ADGRE2: variants seen among roughly 807,000 people sequenced by gnomAD.
The protein encoded by ADGRE2 is adhesion G protein-coupled receptor E2.
A neutral mutation model predicts 100.8 loss-of-function variants in ADGRE2; 83 were observed. The observed-to-expected ratio is 0.82, with a 90% CI of 0.69 to 0.99. The LOEUF (loss-of-function observed/expected upper bound fraction) is 0.99. Among genes scored for constraint, ADGRE2 ranks in the 50% least tolerant of loss-of-function variants. The probability of loss-of-function intolerance (pLI) is 0.00; values close to 1 mark genes in which losing one functional copy is unlikely to be tolerated. For synonymous variants in ADGRE2, 355 were observed against 413.0 expected, an observed-to-expected ratio of 0.86 and a Z score of 1.70; for missense variants, 814 against 1,035.7, an observed-to-expected ratio of 0.79 and a Z score of 2.94.
At chr19:14,731,324 G>A (rs2042669556), downstream of ADGRE2, 5 of 850,710 alleles carry the variant, frequency 5.9e-6, no homozygotes, top group Admixed American at 9.6e-5. Context: ...CAGTGGCCTT[G>A]GACTTTCAAA....
In ADGRE2 at chr19:14,732,746, CATTT is replaced by C. The variant is rs2042684665; in HGVS notation, c.*3486_*3489del. On this transcript the variant is annotated 3_prime_UTR_variant, in exon 21 of 21. Transcript: ENST00000315576. Reference sequence around the variant, plus strand: ...TTATTAAAACATAGCCATGATCATTCATTTATGATTGTCTATAGCTGTTTTCATA... The same window carrying C: ...TTATTAAAACATAGCCATGATCATTCATGATTGTCTATAGCTGTTTTCATA... 6.6e-6 allele frequency: 1 copy of C among 152,136 alleles called. No homozygotes were observed. The highest frequency in any genetic ancestry group is 2.4e-5 in the African/African-American group (1 of 41,436). 9.4% of individuals were successfully genotyped at this position (152,136 alleles called of 1,614,324 possible). A position where few individuals can be genotyped will look rare whatever the true frequency, so the allele number is the denominator to read the frequency against.
intron 20 of ADGRE2, chr19:14,742,003 C>A (rs1031748314): frequency 1.1e-4 from 43 of 398,470 alleles, no homozygotes; most frequent in Middle Eastern, 6.3e-4. Context: ...TTCAAGTGAT[C>A]CCCAAGTTGT....
chr19:14,770,028 ACCT>A (rs2044139869), intron 5 of ADGRE2, among the ~76,000 whole-genome samples: 1 of 152,066 alleles, frequency 6.6e-6, no homozygotes, highest in African/African-American at 2.4e-5. Context: ...ATGGCAACAC[ACCT>A]CCTCAATAAT....
At chr19:14,777,089 C>G (rs1599899068) in intron 1 of ADGRE2, 162 bp from the exon 2 acceptor site, 3 of 985,458 alleles carry the variant, frequency 3.0e-6, no homozygotes, top group Non-Finnish European at 3.6e-6. Context: ...CCATGTGGCT[C>G]TGACCAACCC....
chr19:14,729,677 GGAA>G, downstream of ADGRE2, among the ~76,000 whole-genome samples: 1 of 152,198 alleles, frequency 6.6e-6, no homozygotes, highest in Non-Finnish European at 1.5e-5. Flanking sequence ...TTAGACAGGA[GGAA>G]GAAGTTCAGG....
rs184932507 is a variant in ADGRE2 at position 14,738,766 on chromosome 19, C to T, written c.2464-2522G>A. Among the ~76,000 whole-genome samples the T allele has an allele frequency of 5.9e-5, 9 of 152,002 alleles. No homozygotes were observed. The East Asian group carries it at 9.7e-4, about 16-fold the overall frequency. ...GAAACTCAGTGTAATTTCTATGGTT[C>T]GAGATGGTCAGCTTCACTTGCTTAT... On this transcript the variant is annotated intron_variant, in intron 20 of 20. Transcript: ENST00000315576.
the ADGRE2 span, among the ~76,000 whole-genome samples, chr19:14,726,721 G>C: frequency 6.6e-6 from 1 of 152,118 alleles, no homozygotes; most frequent in Non-Finnish European, 1.5e-5. Flanking sequence ...CTTTGCCAGG[G>C]AATAACAAGG....
At position 14,733,163 on chromosome 19, in the gene ADGRE2, T is replaced by G. The variant is rs2042692425; in HGVS notation, c.*3073A>C. 6.6e-6 allele frequency: 1 copy of G among 152,196 alleles called. No homozygotes were observed. Among genetic ancestry groups the G allele is most frequent in the African/African-American group, 2.4e-5 (1 of 41,428 alleles). The allele number at this position is 152,196 out of a possible 1,614,324, so 9.4% of individuals were successfully genotyped here. Reference sequence around the variant, plus strand: ...GTAATAAAAGGCAGATATTATGTGGTCTCTTGAACCAGCCTTAGGCATGGA... The same window carrying G: ...GTAATAAAAGGCAGATATTATGTGGGCTCTTGAACCAGCCTTAGGCATGGA... On this transcript the variant is annotated 3_prime_UTR_variant, in exon 21 of 21. Transcript: ENST00000315576.
At chr19:14,745,691 G>A (rs538786004) in intron 18 of ADGRE2, among the ~76,000 whole-genome samples, 6 of 150,362 alleles carry the variant, frequency 4.0e-5, no homozygotes, top group Non-Finnish European at 7.4e-5. Context: ...CGCAACCTCC[G>A]CCTCCTGGGT....
chr19:14,736,221 A>G lies in ADGRE2; in HGVS notation c.*15T>C. 1 of 1,583,626 alleles carries G rather than the reference A, an allele frequency of 6.3e-7. No individual in the cohort carries two copies. Among genetic ancestry groups the G allele is most frequent in the Non-Finnish European group, 8.7e-7 (1 of 1,153,112 alleles). On this transcript the variant is annotated 3_prime_UTR_variant, in exon 21 of 21. Coordinates refer to ENST00000315576, the MANE Select transcript of ADGRE2 (RefSeq NM_013447.4). Reference sequence around the variant, plus strand: ...TCCACGGGCAAAGAGGGAAGATCTTATTCAGAAGATTTTTCTAGTTAACCT... The same window carrying G: ...TCCACGGGCAAAGAGGGAAGATCTTGTTCAGAAGATTTTTCTAGTTAACCT...
chr19:14,776,334 T>C (rs1349432242), intron 2 of ADGRE2: 1 of 135,948 alleles, frequency 7.4e-6, no homozygotes, highest in Non-Finnish European at 1.6e-5. Context: ...GCCTCTATTT[T>C]CCCCGCCCCC....
At chr19:14,755,939 T>A in intron 12 of ADGRE2, 62 bp from the exon 13 acceptor site, 1 of 1,404,908 alleles carries the variant, frequency 7.1e-7, no homozygotes, top group Non-Finnish European at 9.9e-7. Context: ...CACACCAGAG[T>A]TCCTCTGCCC....
downstream of ADGRE2, chr19:14,731,434 A>G (rs999948342): frequency 1.3e-5 from 7 of 550,604 alleles, no homozygotes; most frequent in Non-Finnish European, 1.9e-5. Context: ...CAAGGAGACT[A>G]AGGCCTGTGT....
Position 14,733,734 on chromosome 19 carries a change from A to T in ADGRE2, c.*2502T>A, listed in dbSNP as rs2042701871. ...GTTTTCTCTAAAATAAACCTGTCTT[A>T]ACCATCAAGCCACTTTTTGTGTTTC... is the stretch of plus-strand genomic sequence containing the variant. On this transcript the variant is annotated 3_prime_UTR_variant, in exon 21 of 21. Transcript: ENST00000315576. 1 of 152,214 alleles carries T rather than the reference A, an allele frequency of 6.6e-6. No homozygotes were observed. Among genetic ancestry groups the T allele is most frequent in the Non-Finnish European group, 1.5e-5 (1 of 68,048 alleles). The allele number at this position is 152,214 out of a possible 1,614,324, so 9.4% of individuals were successfully genotyped here. A position where few individuals can be genotyped will look rare whatever the true frequency, so the allele number is the denominator to read the frequency against.
At chr19:14,729,740 T>TA (rs1434481104), downstream of ADGRE2, among the ~76,000 whole-genome samples, 4 of 152,162 alleles carry the variant, frequency 2.6e-5, no homozygotes, top group Admixed American at 6.5e-5. Flanking sequence ...ATTATATTCT[T>TA]AAAAAATGCT....
At chr19:14,725,132 C>T in the ADGRE2 span, among the ~76,000 whole-genome samples, 1 of 152,180 alleles carries the variant, frequency 6.6e-6, no homozygotes, top group Non-Finnish European at 1.5e-5. Flanking sequence ...GGAGCAGGAA[C>T]ATCACATGAT....
the ADGRE2 span, among the ~76,000 whole-genome samples, chr19:14,725,171 T>C: frequency 6.6e-5 from 10 of 151,880 alleles, no homozygotes; most frequent in East Asian, 1.9e-4. Flanking sequence ...GCAGGGGAGA[T>C]TGCATGCTCT....
rs1663633335 is a variant in ADGRE2 at position 14,764,425 on chromosome 19, G to A, written c.1084+8C>T. 2 of 1,612,826 alleles carry A rather than the reference G, an allele frequency of 1.2e-6. No individual in the cohort carries two copies. The highest frequency in any genetic ancestry group is 1.7e-6 in the Non-Finnish European group (2 of 1,179,884). On this transcript the variant is annotated splice_region_variant and intron_variant, in intron 11 of 20. Transcript: ENST00000315576. The stretch of plus-strand genomic sequence containing the variant: ...GAGCTGGAGTCTGGGGCAGACCCAG[G>A]GACCTACCTGTGCCTGCAGGATAAC...
At chr19:14,770,587 T>A (rs140530796) in intron 5 of ADGRE2, among the ~76,000 whole-genome samples, 1 of 151,876 alleles carries the variant, frequency 6.6e-6, no homozygotes, top group Non-Finnish European at 1.5e-5. Context: ...GCTGAAAACC[T>A]CTCCATTCCC....
Sources: allele counts gnomAD v4.1 joint callset (sites outside exome capture counted in the v4.1 genomes callset), GRCh38; gene constraint gnomAD v4.1.1; transcripts MANE v1.5; gene names NCBI Gene and HGNC (gene_info 2026-07-23, HGNC 2026-07-21).